The following UBN1 variants were observed in gnomAD, a reference collection of about 807,000 sequenced individuals.
UBN1 encodes ubinuclein 1.
UBN1 carries 17 observed loss-of-function variants against 108.5 expected under a neutral mutation model. The ratio of observed to expected loss-of-function variants is 0.16; its 90% confidence interval spans 0.11 to 0.24. The LOEUF is 0.24. UBN1 is among the 10% of genes least tolerant of loss of function. The pLI is 1.00. For synonymous variants in UBN1, 726 were observed against 564.2 expected, an observed-to-expected ratio of 1.29 and a Z score of -4.07; for missense variants, 1,595 against 1,394.4, an observed-to-expected ratio of 1.14 and a Z score of -2.29.
At chr16:4,860,616 T>G (rs773746994) in intron 6 of UBN1, 48 bp from the exon 7 acceptor site, 6 of 1,551,480 alleles carry the variant, frequency 3.9e-6, no homozygotes, top group Admixed American at 3.8e-5. Context: ...GGAGTTCCCT[T>G]TGGAGGTGTC....
intron 2 of UBN1, among the ~76,000 whole-genome samples, chr16:4,854,618 C>T (rs565809061): frequency 1.6e-4 from 24 of 151,702 alleles, no homozygotes; most frequent in Admixed American, 7.9e-4. Context: ...CACCCACCTC[C>T]GCCTCCCAAA....
chr16:4,871,576 C>CTTTTTTTT lies in UBN1; in HGVS notation c.1706+296_1706+303dup, dbSNP rs35865064. 6.8e-5 allele frequency among the ~76,000 whole-genome samples: 6 copies of CTTTTTTTT among 88,424 alleles called. 1 individual carries two copies. Among genetic ancestry groups the CTTTTTTTT allele is most frequent in the African/African-American group, 1.5e-4 (3 of 20,026 alleles). The allele number at this position is 88,424 out of a possible 152,430, so 58.0% of individuals were successfully genotyped here. A position where few individuals can be genotyped will look rare whatever the true frequency, so the allele number is the denominator to read the frequency against. ...GCCTCCCATCTCAATATGCACTTTC[C>CTTTTTTTT]TTTTTTTTTTTTTTTTTTTTTTTTT... On this transcript the variant is annotated intron_variant, in intron 12 of 17. Transcript: ENST00000262376.
At chr16:4,873,383 T>C (rs570156778) in intron 14 of UBN1, among the ~76,000 whole-genome samples, 24 of 152,282 alleles carry the variant, frequency 1.6e-4, no homozygotes, top group African/African-American at 5.8e-4. Flanking sequence ...CTGTGATCTT[T>C]GTATGGAAGA....
At chr16:4,849,033 G>A (rs1280559037) in intron 1 of UBN1, among the ~76,000 whole-genome samples, 4 of 152,190 alleles carry the variant, frequency 2.6e-5, no homozygotes, top group Non-Finnish European at 5.9e-5. Flanking sequence ...CCGGGAAGCG[G>A]AGGTTGCCGT....
chr16:4,872,965 A>G, intron 13 of UBN1, 31 bp downstream of exon 13: 2 of 1,614,196 alleles, frequency 1.2e-6, no homozygotes, highest in Non-Finnish European at 1.7e-6. Flanking sequence ...ACATCTCGGG[A>G]CAAGTGTTGT....
In UBN1 at chr16:4,874,454, G is replaced by T; in HGVS notation, c.2044G>T (p.Ala682Ser). 1 of 1,614,214 alleles carries T rather than the reference G, an allele frequency of 6.2e-7. No homozygotes were observed. The highest frequency in any genetic ancestry group is 8.5e-7 in the Non-Finnish European group (1 of 1,180,050). The change falls in exon 15 of 18, where the codon GCA becomes TCA. Residue 682 changes from alanine to serine, a missense_variant. By Grantham distance (99) the Ala-to-Ser change is moderately conservative. This residue lies in a region of UBN1 where 1,398 missense variants were observed against 1,194.7 expected (regional missense o/e 1.17). Coordinates refer to ENST00000262376, the MANE Select transcript of UBN1 (RefSeq NM_001079514.3). ...GGAAGCCGTGTCCAAGGAATTGGCTGCATTGAATAGCAGAGCAGCTGGGAA... is the reference window on the plus strand; with the variant it reads ...GGAAGCCGTGTCCAAGGAATTGGCTTCATTGAATAGCAGAGCAGCTGGGAA... ...SVEAVSKELAALNSRAAGNSE... is the reference protein window; with the variant it reads ...SVEAVSKELASLNSRAAGNSE...
In UBN1 at chr16:4,877,382, C is replaced by A; in HGVS notation, c.3266-3C>A. On this transcript the variant is annotated splice_polypyrimidine_tract_variant and splice_region_variant and intron_variant, in intron 16 of 17. Transcript: ENST00000262376. This position sits in a 1 kb window ranked among gnomAD's most constrained non-coding sequence, Gnocchi z 4.3. ...TCTTTTCTCCCCTCCTGTTTTCTCT[C>A]AGGTCTTCTGGCTGGCTTGCACTCC... 2 of 1,609,108 alleles carry A rather than the reference C, an allele frequency of 1.2e-6. No homozygotes were observed. Among genetic ancestry groups the A allele is most frequent in the Non-Finnish European group, 1.7e-6 (2 of 1,177,366 alleles).
intron 3 of UBN1, 150 bp downstream of exon 3, chr16:4,858,226 G>A (rs538806534): frequency 3.5e-5 from 24 of 687,140 alleles, no homozygotes; most frequent in African/African-American, 2.2e-4. Flanking sequence ...TAAACCTAAC[G>A]CATTAAGGTA....
At chr16:4,858,476 C>A in intron 3 of UBN1, 92 bp from the exon 4 acceptor site, 2 of 1,147,662 alleles carry the variant, frequency 1.7e-6, no homozygotes, top group Admixed American at 1.9e-5. Flanking sequence ...TAGTGCATTA[C>A]CTCTTTGAGT....
intron 7 of UBN1, among the ~76,000 whole-genome samples, chr16:4,865,746 G>C (rs1044405722): frequency 2.2e-4 from 34 of 152,090 alleles, no homozygotes; most frequent in Admixed American, 2.2e-3. Flanking sequence ...GGATCACTTG[G>C]GGTCAGATGT....
chr16:4,854,226 C>T (rs766875586), intron 2 of UBN1, among the ~76,000 whole-genome samples: 2 of 150,820 alleles, frequency 1.3e-5, no homozygotes, highest in Non-Finnish European at 3.0e-5. Flanking sequence ...GTAGAGACAG[C>T]GTTTCAATGT....
chr16:4,877,424 C>T lies in UBN1; in HGVS notation c.3305C>T (p.Ala1102Val), dbSNP rs767222791. The T allele has an allele frequency of 6.2e-6, 10 of 1,612,546 alleles. No individual in the cohort carries two copies. The highest frequency in any genetic ancestry group is 3.3e-4 in the Middle Eastern group (2 of 6,080). The change falls in exon 17 of 18, where the codon GCG becomes GTG. Residue 1102 changes from alanine (A) to valine (V), a missense_variant. By Grantham distance (64) the Ala-to-Val change is moderately conservative. Coordinates refer to ENST00000262376, the MANE Select transcript of UBN1 (RefSeq NM_001079514.3). The surrounding 1 kb of genome is among the most constrained non-coding windows in gnomAD (Gnocchi z 4.3). ...AGLHSSPPHA[A>V]PLPHAAVPTH... ...TTGCACTCCAGCCCGCCCCATGCAG[C>T]GCCTCTCCCACACGCTGCGGTGCCC...
chr16:4,871,268 A>G lies in UBN1; in HGVS notation c.1673A>G (p.Lys558Arg), dbSNP rs2087618209. 1.9e-6 allele frequency: 3 copies of G among 1,614,210 alleles called. No individual in the cohort carries two copies. The East Asian group carries it at 6.7e-5, about 36-fold the overall frequency. ...CVKGFLDAEVKPLWPKGWMQA... is the reference protein window; with the variant it reads ...CVKGFLDAEVRPLWPKGWMQA... The stretch of plus-strand genomic sequence containing the variant: ...AAGGGCTTTCTGGATGCGGAAGTCA[A>G]GCCCCTCTGGCCCAAAGGCTGGATG... Residue 558 changes from lysine to arginine, a missense_variant, in exon 12 of 18, where the codon AAG becomes AGG. Coordinates refer to ENST00000262376, the MANE Select transcript of UBN1 (RefSeq NM_001079514.3).
intron 1 of UBN1, among the ~76,000 whole-genome samples, chr16:4,849,967 C>CAAAACAAAA (rs1427006025): frequency 8.5e-6 from 1 of 117,712 alleles, no homozygotes; most frequent in African/African-American, 3.2e-5. Flanking sequence ...AAAAAAAAAA[C>CAAAACAAAA]CACAAAAAAA....
At chr16:4,849,949 C>CAAAAAAAAAAAAAAA (rs751842571) in intron 1 of UBN1, among the ~76,000 whole-genome samples, 2 of 72,180 alleles carry the variant, frequency 2.8e-5, no homozygotes, top group East Asian at 4.5e-4. Flanking sequence ...AACTGTCTCA[C>CAAAAAAAAAAAAAAA]AAAAAAAAAA....
At chr16:4,862,565 C>G (rs1291941550) in intron 7 of UBN1, among the ~76,000 whole-genome samples, 1 of 152,194 alleles carries the variant, frequency 6.6e-6, no homozygotes, top group Non-Finnish European at 1.5e-5. Flanking sequence ...TTTTAATCCT[C>G]TGGTTCGTAA....
Position 4,853,010 on chromosome 16 carries a change from A to C in UBN1, c.93A>C (p.Ala31=), listed in dbSNP as rs1476521255. 1 of 1,614,240 alleles carries C rather than the reference A, an allele frequency of 6.2e-7. No homozygotes were observed. Among genetic ancestry groups the C allele is most frequent in the Admixed American group, 1.7e-5 (1 of 60,026 alleles). Residue 31 remains alanine, a synonymous_variant, in exon 2 of 18, where the codon GCA becomes GCC. Coordinates refer to ENST00000262376, the MANE Select transcript of UBN1 (RefSeq NM_001079514.3). ...AGTCCCGGAAGGAGGAGGCTGGGGC[A>C]GGAGAACAGCATCAGGACTGTGAGC... ...LKKSRKEEAG[A]GEQHQDCEPA...
At chr16:4,870,181 C>G (rs908475022) in intron 8 of UBN1, 31 bp from the exon 9 acceptor site, 1 of 1,613,240 alleles carries the variant, frequency 6.2e-7, no homozygotes, top group Admixed American at 1.7e-5. Context: ...CAGTGAGCTG[C>G]AGCCGGTGGT....
At chr16:4,876,350 C>G (rs146456545) in intron 15 of UBN1, among the ~76,000 whole-genome samples, 5 of 152,168 alleles carry the variant, frequency 3.3e-5, no homozygotes, top group Non-Finnish European at 7.3e-5. Flanking sequence ...CCCACCACCT[C>G]TGTAAGGTAA....
Sources: allele counts gnomAD v4.1 joint callset (sites outside exome capture counted in the v4.1 genomes callset), GRCh38; gene constraint gnomAD v4.1.1; regional missense constraint gnomAD v4.1.1; non-coding constraint Gnocchi (gnomAD v3.1); transcripts MANE v1.5; gene names NCBI Gene and HGNC (gene_info 2026-07-23, HGNC 2026-07-21).